The following HERC1 variants were observed in gnomAD, a reference collection of about 807,000 sequenced individuals.
HERC1 encodes the protein probable E3 ubiquitin-protein ligase HERC1.
HERC1 carries 160 observed loss-of-function variants against 554.3 expected under a neutral mutation model. That is an observed-to-expected ratio of 0.29 (90% confidence interval 0.25 to 0.33). HERC1 has a LOEUF of 0.33. Ranked by LOEUF, HERC1 falls within the 10% of genes least tolerant of loss-of-function variation. HERC1 has a pLI of 1.00. For synonymous variants in HERC1, 2,175 were observed against 2,131.7 expected (o/e 1.02, Z -0.56); for missense variants, 4,919 against 5,918.5 (o/e 0.83, Z 5.54).
At chr15:63,641,216 A>G (rs943417084) in intron 60 of HERC1, among the ~76,000 whole-genome samples, 7 of 152,230 alleles carry the variant, frequency 4.6e-5, no homozygotes, top group Non-Finnish European at 1.0e-4. Context: ...TTTGGAGTGA[A>G]TAAATAATCT....
At chr15:63,784,140 C>T (rs1228293696) in intron 1 of HERC1, among the ~76,000 whole-genome samples, 1 of 151,594 alleles carries the variant, frequency 6.6e-6, no homozygotes, top group Non-Finnish European at 1.5e-5. Flanking sequence ...TCATGGATGT[C>T]CTGAAGTCAT....
chr15:63,826,799 AAAAAAAAAAAAAAAAATATATAT>A (rs1350944006), intron 1 of HERC1, among the ~76,000 whole-genome samples: 2 of 79,568 alleles, frequency 2.5e-5, no homozygotes, highest in African/African-American at 5.5e-5. Flanking sequence ...AAAAAAAAAA[AAAAAAAAAAAAAAAAATATATAT>A]ATATATATAT....
intron 1 of HERC1, among the ~76,000 whole-genome samples, chr15:63,830,552 C>A (rs2078118029): frequency 6.6e-6 from 1 of 152,026 alleles, no homozygotes; most frequent in Non-Finnish European, 1.5e-5. Flanking sequence ...TGGGGAAAAA[C>A]CAGTGAAATT....
At position 63,748,464 on chromosome 15, in the gene HERC1, A is replaced by G. The variant is rs116800120; in HGVS notation, c.2220-606T>C. Among the ~76,000 whole-genome samples the G allele has an allele frequency of 4.7e-3, 710 of 152,224 alleles. 10 individuals are homozygous for G. Among genetic ancestry groups the G allele is most frequent in the African/African-American group, 0.016 (682 of 41,536 alleles). On this transcript the variant is annotated intron_variant, in intron 10 of 77. Transcript: ENST00000443617. Reference sequence around the variant, plus strand: ...ATCTACTAAAGCCCCTCTGGTTCTAAGAGTCCAGAAAATATATATTTCATA... The same window carrying G: ...ATCTACTAAAGCCCCTCTGGTTCTAGGAGTCCAGAAAATATATATTTCATA...
intron 25 of HERC1, among the ~76,000 whole-genome samples, chr15:63,703,478 T>C (rs1244305628): frequency 6.6e-6 from 1 of 152,214 alleles, no homozygotes; most frequent in Non-Finnish European, 1.5e-5. Context: ...CTCTCTCCTA[T>C]TCCTCTCATC....
intron 51 of HERC1, among the ~76,000 whole-genome samples, chr15:63,653,110 T>C (rs1595898081): frequency 6.6e-6 from 1 of 152,218 alleles, no homozygotes; most frequent in Admixed American, 6.5e-5. Context: ...TTATGTTCTA[T>C]AAAATAAATA....
In HERC1 at chr15:63,659,749, A is replaced by T; in HGVS notation, c.9411T>A (p.Thr3137=). The part of the protein sequence containing the change: ...MVTATNSMEE[T]LMQIGCHGSV... ...ATTTCAGTTTACCTATTTGCATCAG[A>T]GTCTCTTCCATACTGTTGGTGGCTG... The change falls in exon 47 of 78, where the codon ACT becomes ACA. Residue 3137 remains threonine (T), a synonymous_variant. Transcript: ENST00000443617. 1 of 1,613,058 alleles carries T rather than the reference A, an allele frequency of 6.2e-7. No homozygotes were observed. Among genetic ancestry groups the T allele is most frequent in the East Asian group, 2.2e-5 (1 of 44,882 alleles).
At chr15:63,695,199 C>T (rs1316586393) in intron 27 of HERC1, among the ~76,000 whole-genome samples, 2 of 151,536 alleles carry the variant, frequency 1.3e-5, no homozygotes, top group African/African-American at 4.9e-5. Context: ...CCACACTTGG[C>T]TAATTTTTTG....
At chr15:63,711,791 G>C (rs2073309883) in intron 24 of HERC1, among the ~76,000 whole-genome samples, 1 of 152,138 alleles carries the variant, frequency 6.6e-6, no homozygotes, top group African/African-American at 2.4e-5. Context: ...CAGAAGCCAA[G>C]TCTGACACAT....
At position 63,765,455 on chromosome 15, in the gene HERC1, C is replaced by T. The variant is rs568583666; in HGVS notation, c.931-1264G>A. ...CAGGCCAGGACGGGAAGTGGGAGAT[C>T]GGACATGCCTCATTATATCCATCCA... On this transcript the variant is annotated intron_variant, in intron 2 of 77. Coordinates refer to ENST00000443617, the MANE Select transcript of HERC1 (RefSeq NM_003922.4). Among the ~76,000 whole-genome samples, 225 of 152,202 alleles carry T rather than the reference C, an allele frequency of 1.5e-3. 5 individuals are homozygous for T. Among genetic ancestry groups the T allele is most frequent in the Non-Finnish European group, 1.7e-3 (114 of 68,006 alleles).
At chr15:63,832,305 G>A (rs896483768) in intron 1 of HERC1, among the ~76,000 whole-genome samples, 1 of 151,978 alleles carries the variant, frequency 6.6e-6, no homozygotes, top group South Asian at 2.1e-4. Context: ...ACATATATAC[G>A]TACATTTATG....
At chr15:63,669,030 T>C (rs1482473374) in intron 40 of HERC1, among the ~76,000 whole-genome samples, 2 of 152,162 alleles carry the variant, frequency 1.3e-5, no homozygotes, top group Admixed American at 6.5e-5. Flanking sequence ...GTAAGACAAG[T>C]CTCAATAAAT....
intron 1 of HERC1, among the ~76,000 whole-genome samples, chr15:63,778,954 G>C (rs1567117871): frequency 6.6e-6 from 1 of 151,196 alleles, no homozygotes; most frequent in Non-Finnish European, 1.5e-5. Context: ...AAGAAGAAAA[G>C]GAAAGGAAGA....
rs1422143134 is a variant in HERC1 at position 63,655,873 on chromosome 15, C to T, written c.9953G>A (p.Arg3318Gln). 1.2e-6 allele frequency: 2 copies of T among 1,611,400 alleles called. No individual in the cohort carries two copies. The highest frequency in any genetic ancestry group is 1.7e-6 in the Non-Finnish European group (2 of 1,178,772). ...AAGCTTGTTCTCTTCAGCAATTCCT[C>T]GGAGAAAGCTGGGTAGAAACTTTCG... ...IQRKFLPSFL[R>Q]GIAEENKLVT... is the part of the protein sequence containing the mutation. Residue 3318 changes from arginine (R) to glutamine (Q), a missense_variant, in exon 50 of 78, where the codon CGA (arginine) becomes CAA (glutamine). Coordinates refer to ENST00000443617, the MANE Select transcript of HERC1 (RefSeq NM_003922.4).
At chr15:63,772,301 AG>A (rs2075979103) in intron 2 of HERC1, among the ~76,000 whole-genome samples, 1 of 152,166 alleles carries the variant, frequency 6.6e-6, no homozygotes, top group African/African-American at 2.4e-5. Context: ...AAGGTCCTCG[AG>A]GAAGAGGCTT....
At chr15:63,799,498 T>TC (rs1420475796) in intron 1 of HERC1, among the ~76,000 whole-genome samples, 2 of 149,162 alleles carry the variant, frequency 1.3e-5, no homozygotes, top group African/African-American at 4.9e-5. Flanking sequence ...AGACTCTGCC[T>TC]CTAAAAAAAA....
intron 3 of HERC1, among the ~76,000 whole-genome samples, chr15:63,763,087 G>C (rs1033726127): frequency 3.3e-5 from 5 of 152,128 alleles, no homozygotes; most frequent in Admixed American, 3.3e-4. Flanking sequence ...GCCTTTGTGG[G>C]CTCCACAATA....
chr15:63,827,715 A>T (rs796774434), intron 1 of HERC1, among the ~76,000 whole-genome samples: 65 of 152,334 alleles, frequency 4.3e-4, no homozygotes, highest in African/African-American at 1.5e-3. Context: ...AGCATTATTC[A>T]TAACAGCTAA....
chr15:63,656,654 G>A (rs1025925897), intron 48 of HERC1, among the ~76,000 whole-genome samples: 11 of 152,116 alleles, frequency 7.2e-5, no homozygotes, highest in African/African-American at 2.7e-4. Context: ...CCATGTCACC[G>A]CCCTCCAGAT....
Sources: gnomAD v4.1 joint callset for allele counts (sites outside exome capture counted in the v4.1 genomes callset) on GRCh38, gnomAD v4.1.1 for gene constraint, MANE v1.5 for transcripts, NCBI Gene and HGNC (gene_info 2026-07-23, HGNC 2026-07-21) for gene names.